ADAMTSL1: variants seen among roughly 807,000 people sequenced by gnomAD.
ADAMTSL1 encodes ADAMTS-like protein 1.
A neutral mutation model predicts 201.8 loss-of-function variants in ADAMTSL1; 126 were observed. The observed-to-expected ratio is 0.62, with a 90% CI of 0.54 to 0.72. The LOEUF is 0.72. Among genes scored for constraint, ADAMTSL1 ranks in the 30% least tolerant of loss-of-function variants. ADAMTSL1 has a pLI of 0.00. For missense variants in ADAMTSL1, 2,679 were observed against 2,277.8 expected, an observed-to-expected ratio of 1.18 and a Z score of -3.59; for synonymous variants, 1,121 against 903.4, an observed-to-expected ratio of 1.24 and a Z score of -4.32.
chr9:18,409,991 T>C (rs1818367185), intron 2 of ADAMTSL1, among the ~76,000 whole-genome samples: 1 of 151,742 alleles, frequency 6.6e-6, no homozygotes. Flanking sequence ...GTATCTTTGC[T>C]TTCTTCCTGA....
In ADAMTSL1 at chr9:17,925,720, G is replaced by A. The variant is rs966662530; in HGVS notation, c.87+18798G>A. ...GGGACTGTGGTGGGGTGGGGGGAGGGGGGAGGGATAGCATTGGGAGATATA... is the reference window on the plus strand; with the variant it reads ...GGGACTGTGGTGGGGTGGGGGGAGGAGGGAGGGATAGCATTGGGAGATATA... On this transcript the variant is annotated intron_variant, in intron 1 of 29. Coordinates refer to the ADAMTSL1 transcript ENST00000680146. Among the ~76,000 whole-genome samples, 7 of 129,394 alleles carry A rather than the reference G, an allele frequency of 5.4e-5. No homozygotes were observed. The South Asian group carries it at 9.0e-4, about 17-fold the overall frequency. The allele number at this position is 129,394 out of a possible 152,430, so 84.9% of individuals were successfully genotyped here.
At chr9:18,517,925 G>C (rs577320682) in intron 2 of ADAMTSL1, among the ~76,000 whole-genome samples, 23 of 152,038 alleles carry the variant, frequency 1.5e-4, no homozygotes, top group Non-Finnish European at 2.8e-4. Flanking sequence ...TCATGGCCTG[G>C]AGTTATCTTT....
intron 15 of ADAMTSL1, among the ~76,000 whole-genome samples, chr9:18,750,073 C>A (rs1819378306): frequency 6.6e-6 from 1 of 152,176 alleles, no homozygotes; most frequent in Non-Finnish European, 1.5e-5. Context: ...GAGGGTTCAC[C>A]AGCACTGGCC....
intron 21 of ADAMTSL1, among the ~76,000 whole-genome samples, chr9:18,820,703 G>A (rs1226359922): frequency 6.6e-6 from 1 of 152,206 alleles, no homozygotes; most frequent in Non-Finnish European, 1.5e-5. Context: ...CTTACAAAAT[G>A]CAGCCTCACA....
At chr9:18,407,525 G>A (rs1818257407) in intron 2 of ADAMTSL1, among the ~76,000 whole-genome samples, 1 of 152,176 alleles carries the variant, frequency 6.6e-6, no homozygotes, top group African/African-American at 2.4e-5. Flanking sequence ...AGAAGTAGTA[G>A]CCTGGGAGGT....
chr9:17,907,660 G>A (rs1825772488), intron 1 of ADAMTSL1, among the ~76,000 whole-genome samples: 1 of 152,182 alleles, frequency 6.6e-6, no homozygotes, highest in Non-Finnish European at 1.5e-5. Flanking sequence ...CCTGGGAGAG[G>A]GTGTCTGATT....
intron 5 of ADAMTSL1, among the ~76,000 whole-genome samples, chr9:18,626,593 G>A (rs1826371426): frequency 6.6e-6 from 1 of 152,180 alleles, no homozygotes; most frequent in Admixed American, 6.5e-5. Context: ...AGATATTGTG[G>A]GGTTTTTTGT....
chr9:18,369,970 C>T (rs1836968792), intron 2 of ADAMTSL1, among the ~76,000 whole-genome samples: 3 of 152,008 alleles, frequency 2.0e-5, no homozygotes. Flanking sequence ...TACACATGGA[C>T]ATAAAGATGA....
At chr9:18,177,482 G>GT (rs1265136594) in intron 2 of ADAMTSL1, among the ~76,000 whole-genome samples, 1 of 152,130 alleles carries the variant, frequency 6.6e-6, no homozygotes, top group Non-Finnish European at 1.5e-5. Flanking sequence ...ATAGACATTT[G>GT]TTTTTTCCTT....
chr9:18,881,269 C>A (rs1828517985), intron 23 of ADAMTSL1, among the ~76,000 whole-genome samples: 1 of 152,182 alleles, frequency 6.6e-6, no homozygotes. Context: ...GAGCAAGAGA[C>A]CTGTCTTGGC....
chr9:18,502,307 T>G (rs1822885249), intron 1 of ADAMTSL1, among the ~76,000 whole-genome samples: 1 of 152,240 alleles, frequency 6.6e-6, no homozygotes, highest in Admixed American at 6.5e-5. Context: ...TTGAGTAAAA[T>G]GAGAGAAATC....
chr9:18,844,632 T>C (rs1334028111), intron 23 of ADAMTSL1, among the ~76,000 whole-genome samples: 2 of 152,158 alleles, frequency 1.3e-5, no homozygotes, highest in Admixed American at 1.3e-4. Context: ...CTGTGCCCTG[T>C]CCCCAGAGGT....
intron 15 of ADAMTSL1, among the ~76,000 whole-genome samples, chr9:18,739,705 C>T (rs2133538819): frequency 6.6e-6 from 1 of 152,340 alleles, no homozygotes; most frequent in East Asian, 1.9e-4. Flanking sequence ...CTCATTCTCA[C>T]TCCCCACGTC....
intron 1 of ADAMTSL1, among the ~76,000 whole-genome samples, chr9:17,998,836 G>A (rs1340212457): frequency 6.6e-6 from 1 of 151,936 alleles, no homozygotes; most frequent in Non-Finnish European, 1.5e-5. Context: ...TTATCTCCTG[G>A]ATGCCTAGAA....
intron 20 of ADAMTSL1, among the ~76,000 whole-genome samples, chr9:18,812,890 C>T (rs900331235): frequency 1.3e-5 from 2 of 151,434 alleles, no homozygotes; most frequent in African/African-American, 4.9e-5. Context: ...ATTTTTATGG[C>T]AATACCATGC....
intron 15 of ADAMTSL1, among the ~76,000 whole-genome samples, chr9:18,746,608 T>C (rs1819160205): frequency 6.6e-6 from 1 of 152,120 alleles, no homozygotes; most frequent in Non-Finnish European, 1.5e-5. Flanking sequence ...AGAAGGTTCT[T>C]AGGGCATAAT....
At chr9:18,299,011 C>CA (rs369246364) in intron 2 of ADAMTSL1, among the ~76,000 whole-genome samples, 64,005 of 137,068 alleles carry the variant, frequency 0.47, 15,318 homozygotes, top group Admixed American at 0.63. Flanking sequence ...GACTCCGTCT[C>CA]AAAAAAAAAA....
At chr9:18,354,740 G>A (rs901595631) in intron 2 of ADAMTSL1, among the ~76,000 whole-genome samples, 2 of 152,144 alleles carry the variant, frequency 1.3e-5, no homozygotes, top group African/African-American at 4.8e-5. Flanking sequence ...GGCTGAAGTT[G>A]GTGGATCAAC....
chr9:18,676,052 G>T (rs1028619577), intron 10 of ADAMTSL1, 145 bp downstream of exon 10: 7 of 802,630 alleles, frequency 8.7e-6, no homozygotes, highest in Non-Finnish European at 1.4e-5. Flanking sequence ...TCCATCCTGA[G>T]TTCTGCTTTT....
Sources: allele counts gnomAD v4.1 joint callset (sites outside exome capture counted in the v4.1 genomes callset), GRCh38; gene constraint gnomAD v4.1.1; transcripts MANE v1.5; gene names NCBI Gene and HGNC (gene_info 2026-07-23, HGNC 2026-07-21).